FAM168A: variants seen among roughly 807,000 people sequenced by gnomAD.
FAM168A encodes family with sequence similarity 168 member A.
A neutral mutation model predicts 28.5 loss-of-function variants in FAM168A; 3 were observed. That is an observed-to-expected ratio of 0.11 (90% CI 0.05 to 0.27). The LOEUF (loss-of-function observed/expected upper bound fraction) is 0.27, where lower values mean the gene tolerates loss of function less well. Among genes scored for constraint, FAM168A ranks in the 10% least tolerant of loss-of-function variants. The probability of loss-of-function intolerance (pLI) is 1.00; values close to 1 mark genes in which losing one functional copy is unlikely to be tolerated. For missense variants in FAM168A, 222 were observed against 311.5 expected (o/e 0.71, Z 2.16); for synonymous variants, 122 against 124.2 (o/e 0.98, Z 0.12).
At chr11:73,456,251 C>G (rs1867529939) in intron 2 of FAM168A, among the ~76,000 whole-genome samples, 1 of 152,192 alleles carries the variant, frequency 6.6e-6, no homozygotes, top group Non-Finnish European at 1.5e-5. Flanking sequence ...AATAAAATCT[C>G]TCCAGACATA....
chr11:73,458,853 G>A (rs1159508050), intron 2 of FAM168A, among the ~76,000 whole-genome samples: 2 of 152,002 alleles, frequency 1.3e-5, no homozygotes, highest in African/African-American at 4.8e-5. Flanking sequence ...CTCATGATCC[G>A]CCCGCCTTGG....
At chr11:73,460,861 C>G (rs906362634) in intron 2 of FAM168A, among the ~76,000 whole-genome samples, 1 of 152,124 alleles carries the variant, frequency 6.6e-6, no homozygotes, top group Admixed American at 6.5e-5. Context: ...AGAAGAAACT[C>G]AGAGAGGTGG....
intron 1 of FAM168A, among the ~76,000 whole-genome samples, chr11:73,550,391 T>C (rs1265582732): frequency 6.6e-6 from 1 of 152,188 alleles, no homozygotes; most frequent in African/African-American, 2.4e-5. Flanking sequence ...TGGTGGCTCA[T>C]GCCTGTAATC....
chr11:73,460,990 G>C (rs1867636830), intron 2 of FAM168A, among the ~76,000 whole-genome samples: 1 of 152,174 alleles, frequency 6.6e-6, no homozygotes, highest in Non-Finnish European at 1.5e-5. Context: ...CAGAGGTCTG[G>C]GTTCTACTTC....
intron 1 of FAM168A, among the ~76,000 whole-genome samples, chr11:73,495,587 A>G (rs1854857596): frequency 6.6e-6 from 1 of 152,228 alleles, no homozygotes; most frequent in South Asian, 2.1e-4. Context: ...GAGTTTTACA[A>G]CTAATACAAT....
At chr11:73,534,033 T>C (rs1438352330) in intron 1 of FAM168A, among the ~76,000 whole-genome samples, 1 of 152,130 alleles carries the variant, frequency 6.6e-6, no homozygotes, top group East Asian at 1.9e-4. Flanking sequence ...CCAGTGCAAA[T>C]AGCTACCTTC....
chr11:73,533,617 C>T (rs538128074), intron 1 of FAM168A, among the ~76,000 whole-genome samples: 2 of 151,988 alleles, frequency 1.3e-5, no homozygotes, highest in South Asian at 2.1e-4. Context: ...ATAGTATTCA[C>T]ACCAAAAAGT....
intron 3 of FAM168A, chr11:73,425,047 C>T: frequency 6.5e-7 from 1 of 1,530,294 alleles, no homozygotes; most frequent in Non-Finnish European, 8.7e-7. Flanking sequence ...GGAACTGAAA[C>T]TCTGTTGGAT....
intron 2 of FAM168A, among the ~76,000 whole-genome samples, chr11:73,453,269 A>T (rs1461848083): frequency 6.6e-6 from 1 of 152,210 alleles, no homozygotes; most frequent in Admixed American, 6.5e-5. Context: ...AGAGGAACAA[A>T]ATGGGTGGGG....
At chr11:73,422,349 T>C (rs184499224) in intron 3 of FAM168A, among the ~76,000 whole-genome samples, 6 of 152,292 alleles carry the variant, frequency 3.9e-5, no homozygotes, top group African/African-American at 1.4e-4. Flanking sequence ...ACAAAGAAAA[T>C]GAATTAGTGT....
chr11:73,409,714 T>C (rs560944463), intron 5 of FAM168A, 53 bp from the exon 6 acceptor site: 3 of 1,542,286 alleles, frequency 1.9e-6, no homozygotes, highest in South Asian at 1.2e-5. Flanking sequence ...AGGTGGGATA[T>C]GGAGAGAGCA....
At chr11:73,417,728 T>A (rs868456373) in intron 4 of FAM168A, among the ~76,000 whole-genome samples, 48 of 152,054 alleles carry the variant, frequency 3.2e-4, no homozygotes, top group African/African-American at 1.1e-3. Flanking sequence ...CCTGGCTAAT[T>A]TTTTGTATTT....
intron 1 of FAM168A, among the ~76,000 whole-genome samples, chr11:73,546,101 C>T (rs1943748289): frequency 6.6e-6 from 1 of 152,144 alleles, no homozygotes; most frequent in South Asian, 2.1e-4. Flanking sequence ...TTTATAAAAG[C>T]TTCTATGGAT....
At chr11:73,483,534 G>A (rs904145257) in intron 1 of FAM168A, among the ~76,000 whole-genome samples, 6 of 152,226 alleles carry the variant, frequency 3.9e-5, no homozygotes, top group Admixed American at 1.3e-4. Context: ...ATGGGAAGAT[G>A]AAGGATGGGT....
chr11:73,452,372 G>A (rs965307819), intron 2 of FAM168A: 8 of 152,516 alleles, frequency 5.2e-5, no homozygotes, highest in African/African-American at 1.9e-4. Context: ...CTGAGGAAGA[G>A]GAGGGAGCTG....
chr11:73,587,635 G>A (rs1272119084), intron 1 of FAM168A, among the ~76,000 whole-genome samples: 1 of 152,100 alleles, frequency 6.6e-6, no homozygotes, highest in Non-Finnish European at 1.5e-5. Flanking sequence ...ACCAGTCTGG[G>A]CAACACAGCA....
intron 2 of FAM168A, among the ~76,000 whole-genome samples, chr11:73,444,528 G>C (rs1867263825): frequency 6.6e-6 from 1 of 152,232 alleles, no homozygotes; most frequent in African/African-American, 2.4e-5. Context: ...ATACTGTTGT[G>C]AGTATGTGTA....
At chr11:73,459,879 A>ATTTTTTTTTTT (rs918564469) in intron 2 of FAM168A, among the ~76,000 whole-genome samples, 1 of 108,456 alleles carries the variant, frequency 9.2e-6, no homozygotes, top group East Asian at 2.6e-4. Flanking sequence ...ATCCAAATGA[A>ATTTTTTTTTTT]TTTTTTTTTT....
chr11:73,470,192 G>A (rs1352619577), intron 1 of FAM168A, among the ~76,000 whole-genome samples: 1 of 152,154 alleles, frequency 6.6e-6, no homozygotes, highest in Non-Finnish European at 1.5e-5. Flanking sequence ...TTACAGTCGT[G>A]AGCCACCGCG....
Sources: gnomAD v4.1 joint callset for allele counts (sites outside exome capture counted in the v4.1 genomes callset) on GRCh38, gnomAD v4.1.1 for gene constraint, MANE v1.5 for transcripts, NCBI Gene and HGNC (gene_info 2026-07-23, HGNC 2026-07-21) for gene names.